HHIP: variants seen among roughly 807,000 people sequenced by gnomAD.
The protein encoded by HHIP is hedgehog-interacting protein.
Under a neutral mutation model 74.0 loss-of-function variants are expected in HHIP, and 12 were observed. The observed-to-expected ratio is 0.16, with a 90% CI of 0.10 to 0.26. The LOEUF is 0.26. Among genes scored for constraint, HHIP ranks in the 10% least tolerant of loss-of-function variants. The pLI is 1.00. For missense variants in HHIP, 788 were observed against 845.0 expected, an observed-to-expected ratio of 0.93 and a Z score of 0.84; for synonymous variants, 309 against 311.6, an observed-to-expected ratio of 0.99 and a Z score of 0.09.
chr4:144,734,766 G>A lies in HHIP; in HGVS notation c.1786G>A (p.Ala596Thr), dbSNP rs1731058789. ...ACCTTTAATGCCTGAGGAATGCAGA[G>A]CCACGGTACAACCTGCACAGACACT... is the stretch of plus-strand genomic sequence containing the variant. ...KRPLMPEECRATVQPAQTLTS... is the reference protein window; with the variant it reads ...KRPLMPEECRTTVQPAQTLTS... The change falls in exon 12 of 13, where the codon GCC (alanine) becomes ACC (threonine). Residue 596 changes from alanine (A) to threonine (T), a missense_variant. By Grantham distance (58) the Ala-to-Thr change is moderately conservative (BLOSUM62 0). This residue lies in a region of HHIP where 343 missense variants were observed against 347.9 expected (regional missense o/e 0.99). Transcript: ENST00000296575. The A allele has an allele frequency of 6.3e-7, 1 of 1,597,458 alleles. No homozygotes were observed. Among genetic ancestry groups the A allele is most frequent in the Non-Finnish European group, 8.6e-7 (1 of 1,167,184 alleles).
At chr4:144,655,475 C>T (rs1728532554) in intron 2 of HHIP, among the ~76,000 whole-genome samples, 1 of 152,122 alleles carries the variant, frequency 6.6e-6, no homozygotes, top group South Asian at 2.1e-4. Flanking sequence ...ACTCTTCGAC[C>T]TCATCTTCTC....
At chr4:144,676,019 G>C (rs1729159796) in intron 4 of HHIP, among the ~76,000 whole-genome samples, 1 of 152,136 alleles carries the variant, frequency 6.6e-6, no homozygotes, top group Non-Finnish European at 1.5e-5. Context: ...TAAACCAAAG[G>C]TTCTGGCTCA....
chr4:144,721,652 G>A (rs1181062810), intron 11 of HHIP, among the ~76,000 whole-genome samples: 1 of 150,514 alleles, frequency 6.6e-6, no homozygotes, highest in Non-Finnish European at 1.5e-5. Flanking sequence ...TGTAATCCCA[G>A]CACTTTGGGA....
rs1183220056 is a variant in HHIP, at chr4:144,665,376, C to T, written c.831+5538C>T. ...CTTGGCCTCTTATAAGTAAAGTTTTCGACTGCAGTTATTTCTAATATCAAT... is the reference window on the plus strand; with the variant it reads ...CTTGGCCTCTTATAAGTAAAGTTTTTGACTGCAGTTATTTCTAATATCAAT... On this transcript the variant is annotated intron_variant, in intron 4 of 12. Transcript: ENST00000296575. 1.7e-4 allele frequency among the ~76,000 whole-genome samples: 26 copies of T among 152,118 alleles called. 2 individuals carry two copies. The highest frequency in any genetic ancestry group is 1.5e-3 in the East Asian group (8 of 5,196).
chr4:144,653,827 T>C (rs1560693099), intron 2 of HHIP, among the ~76,000 whole-genome samples: 1 of 152,168 alleles, frequency 6.6e-6, no homozygotes, highest in Non-Finnish European at 1.5e-5. Context: ...CTCCTTTGCA[T>C]CTAGCATAAC....
chr4:144,683,668 G>A (rs188846426), intron 4 of HHIP, among the ~76,000 whole-genome samples: 13 of 152,178 alleles, frequency 8.5e-5, no homozygotes, highest in Non-Finnish European at 1.2e-4. Flanking sequence ...ATTGAATCTC[G>A]CCTGTAGCCT....
rs1220602511 is a variant in HHIP at position 144,741,410 on chromosome 4, C to A, written c.*3453C>A. On this transcript the variant is annotated 3_prime_UTR_variant, in exon 13 of 13. Transcript: ENST00000296575. Reference sequence around the variant, plus strand: ...CTTTTTTTTTTTTTTTGAGACGGAGCCTTGCTATGTTGCCCAGGCTGCAGA... The same window carrying A: ...CTTTTTTTTTTTTTTTGAGACGGAGACTTGCTATGTTGCCCAGGCTGCAGA... The A allele has an allele frequency of 7.9e-6, 1 of 125,952 alleles. No individual in the cohort carries two copies. The highest frequency in any genetic ancestry group is 3.1e-5 in the African/African-American group (1 of 32,612). 7.8% of individuals were successfully genotyped at this position (125,952 alleles called of 1,614,324 possible). A position where few individuals can be genotyped will look rare whatever the true frequency, so the allele number is the denominator to read the frequency against.
intron 4 of HHIP, among the ~76,000 whole-genome samples, chr4:144,702,505 T>A (rs946173852): frequency 6.6e-6 from 1 of 152,192 alleles, no homozygotes; most frequent in Non-Finnish European, 1.5e-5. Context: ...AGGTTCCAAA[T>A]TGCGGGAACA....
chr4:144,697,077 C>T (rs1321055898), intron 4 of HHIP, among the ~76,000 whole-genome samples: 1 of 151,882 alleles, frequency 6.6e-6, no homozygotes, highest in Non-Finnish European at 1.5e-5. Context: ...AGTCTTAAGC[C>T]TATGGTTCAT....
chr4:144,732,319 T>C (rs1359557410), intron 11 of HHIP, among the ~76,000 whole-genome samples: 2 of 152,198 alleles, frequency 1.3e-5, no homozygotes, highest in African/African-American at 2.4e-5. Flanking sequence ...ACAATGTTTG[T>C]ATATTACAGC....
At position 144,711,942 on chromosome 4, in the gene HHIP, T is replaced by A. The variant is rs1189123472; in HGVS notation, c.1302-8T>A. 4 of 1,611,240 alleles carry A rather than the reference T, an allele frequency of 2.5e-6. No homozygotes were observed. In the South Asian group the frequency reaches 3.3e-5, roughly 13 times the overall value. ...AGGAATTAATGTGTATCCCCTCTTG[T>A]TATGCAGATGTGCTGTGGATAGACA... On this transcript the variant is annotated splice_polypyrimidine_tract_variant and splice_region_variant and intron_variant, in intron 7 of 12. Coordinates refer to ENST00000296575, the MANE Select transcript of HHIP (RefSeq NM_022475.3).
intron 1 of HHIP, among the ~76,000 whole-genome samples, chr4:144,651,680 T>A (rs936594914): frequency 8.6e-5 from 13 of 151,996 alleles, no homozygotes; most frequent in African/African-American, 3.1e-4. Flanking sequence ...ATGTCAAATA[T>A]TGTGTTGATA....
At chr4:144,662,827 T>C (rs1275267218) in intron 4 of HHIP, among the ~76,000 whole-genome samples, 4 of 152,208 alleles carry the variant, frequency 2.6e-5, no homozygotes, top group Non-Finnish European at 5.9e-5. Flanking sequence ...CTGGGTGATT[T>C]GAAATCTTTA....
intron 4 of HHIP, among the ~76,000 whole-genome samples, chr4:144,692,669 C>T (rs1202710608): frequency 2.0e-5 from 3 of 152,120 alleles, no homozygotes; most frequent in South Asian, 2.1e-4. Context: ...TTATGTATAG[C>T]GTTACTTGTG....
chr4:144,674,305 T>G (rs113095808), intron 4 of HHIP, among the ~76,000 whole-genome samples: 1 of 152,234 alleles, frequency 6.6e-6, no homozygotes, highest in Non-Finnish European at 1.5e-5. Flanking sequence ...TAGCAATTTT[T>G]TAAAATGTGC....
In HHIP at chr4:144,718,905, G is replaced by C; in HGVS notation, c.1709G>C (p.Ser570Thr). Residue 570 changes from serine to threonine, a missense_variant, in exon 11 of 13, where the codon AGT (serine) becomes ACT (threonine). Coordinates refer to ENST00000296575, the MANE Select transcript of HHIP (RefSeq NM_022475.3). ...GTTTACATTTTATCAAGCAGTAAAA[G>C]TATGACCCAGACTCACAATGGAAAA... The part of the protein sequence containing the change: ...GEVYILSSSK[S>T]MTQTHNGKLY... 6.2e-7 allele frequency: 1 copy of C among 1,610,748 alleles called. No homozygotes were observed. The highest frequency in any genetic ancestry group is 8.5e-7 in the Non-Finnish European group (1 of 1,177,230).
At chr4:144,711,428 C>A (rs908295489) in intron 7 of HHIP, among the ~76,000 whole-genome samples, 4 of 151,990 alleles carry the variant, frequency 2.6e-5, no homozygotes, top group African/African-American at 7.3e-5. Context: ...ACCTATCAAC[C>A]CGTCATCTAG....
chr4:144,707,659 G>A (rs866131741), intron 6 of HHIP, among the ~76,000 whole-genome samples: 381 of 8,296 alleles, frequency 0.046, 8 homozygotes, highest in South Asian at 0.075. Flanking sequence ...AAAAAAAAAA[G>A]CAGTGTACTA....
At chr4:144,713,646 T>C (rs1199565331) in intron 8 of HHIP, among the ~76,000 whole-genome samples, 2 of 152,160 alleles carry the variant, frequency 1.3e-5, no homozygotes, top group African/African-American at 4.8e-5. Context: ...ATAGACTTTG[T>C]TATCCACACA....
Sources: allele counts gnomAD v4.1 joint callset (sites outside exome capture counted in the v4.1 genomes callset), GRCh38; gene constraint gnomAD v4.1.1; regional missense constraint gnomAD v4.1.1; transcripts MANE v1.5; gene names NCBI Gene and HGNC (gene_info 2026-07-23, HGNC 2026-07-21).